Variants in SPATA17 observed in about 807,000 individuals in gnomAD.
The protein encoded by SPATA17 is spermatogenesis-associated protein 17.
In SPATA17, 53 loss-of-function variants were observed where a neutral mutation model predicts 62.2. The ratio of observed to expected loss-of-function variants is 0.85; its 90% CI spans 0.68 to 1.07. The LOEUF is 1.07. Among genes scored for constraint, SPATA17 ranks in the 50% least tolerant of loss-of-function variants. The pLI, the probability that SPATA17 is intolerant of heterozygous loss-of-function variation, is 0.00. For missense variants in SPATA17, 466 were observed against 425.5 expected (o/e 1.10, Z -0.84); for synonymous variants, 146 against 146.8 (o/e 0.99, Z 0.04).
intron 9 of SPATA17, among the ~76,000 whole-genome samples, chr1:217,834,862 G>A (rs1243647602): frequency 6.6e-6 from 1 of 152,096 alleles, no homozygotes; most frequent in African/African-American, 2.4e-5. Context: ...TTCCAGTCCT[G>A]TAAGCTCCAT....
At chr1:217,649,986 C>T (rs1029417235) in intron 2 of SPATA17, among the ~76,000 whole-genome samples, 2 of 142,516 alleles carry the variant, frequency 1.4e-5, no homozygotes, top group African/African-American at 2.7e-5. Context: ...GTTGTCCAGG[C>T]TGCAGTGCAA....
At chr1:217,654,693 T>C (rs73107336) in intron 3 of SPATA17, among the ~76,000 whole-genome samples, 1,754 of 152,018 alleles carry the variant, frequency 0.012, 23 homozygotes, top group African/African-American at 0.035. Context: ...TCTCAATATA[T>C]TGCATGCATA....
chr1:217,705,537 T>C (rs979524548), intron 5 of SPATA17, among the ~76,000 whole-genome samples: 5 of 137,458 alleles, frequency 3.6e-5, no homozygotes, highest in African/African-American at 1.3e-4. Context: ...GCCTCCCAGG[T>C]TCAAGCAATT....
chr1:217,862,431 T>C (rs971740897), intron 9 of SPATA17, among the ~76,000 whole-genome samples: 10 of 152,180 alleles, frequency 6.6e-5, no homozygotes, highest in African/African-American at 1.2e-4. Flanking sequence ...ATATTTATTA[T>C]GCAGAAAACA....
At chr1:217,724,830 T>TA (rs1380523926) in intron 5 of SPATA17, among the ~76,000 whole-genome samples, 2 of 152,108 alleles carry the variant, frequency 1.3e-5, no homozygotes, top group African/African-American at 4.8e-5. Context: ...TCTGTTTGCC[T>TA]AATTAGTTTA....
chr1:217,761,720 G>T (rs978335674), intron 6 of SPATA17, among the ~76,000 whole-genome samples: 4 of 152,030 alleles, frequency 2.6e-5, no homozygotes, highest in Admixed American at 2.0e-4. Context: ...ATTTTAGTTT[G>T]TTTTTTTCAA....
intron 5 of SPATA17, among the ~76,000 whole-genome samples, chr1:217,718,130 A>C (rs912975621): frequency 1.3e-5 from 2 of 152,230 alleles, no homozygotes; most frequent in African/African-American, 4.8e-5. Flanking sequence ...CTGACATCTA[A>C]GCATTAAAGA....
intron 5 of SPATA17, among the ~76,000 whole-genome samples, chr1:217,723,034 G>A (rs1672176698): frequency 6.6e-6 from 1 of 152,154 alleles, no homozygotes; most frequent in East Asian, 1.9e-4. Flanking sequence ...GGGAGGCCCA[G>A]AGAATCTTCC....
chr1:217,633,288 G>A lies in SPATA17; in HGVS notation c.68+1842G>A, dbSNP rs114105657. Among the ~76,000 whole-genome samples, 1,074 of 152,032 alleles carry A rather than the reference G, an allele frequency of 7.1e-3. 11 individuals carry two copies. Among genetic ancestry groups the A allele is most frequent in the African/African-American group, 0.025 (1,021 of 41,488 alleles). The stretch of plus-strand genomic sequence containing the variant: ...AAGGGAAACAACCAGTATTTTTTGA[G>A]GACTGATTATATATGAGGGATTGCA... On this transcript the variant is annotated intron_variant, in intron 1 of 10. Coordinates refer to ENST00000366933, the MANE Select transcript of SPATA17 (RefSeq NM_138796.4).
At position 217,807,256 on chromosome 1, in the gene SPATA17, GGGGA is replaced by G. The variant is rs532295755; in HGVS notation, c.1005+5421_1005+5424del. On this transcript the variant is annotated intron_variant, in intron 9 of 10. Transcript: ENST00000366933. ...AATAGATACTGGGGTCTCCAAAAGA[GGGGA>G]GGGAGGGAGGGAGGAAGTGGGGCAA... Among the ~76,000 whole-genome samples the G allele has an allele frequency of 1.3e-3, 205 of 152,028 alleles. 1 individual carries two copies. The highest frequency in any genetic ancestry group is 2.3e-3 in the Non-Finnish European group (155 of 67,960).
chr1:217,725,929 A>G (rs1350147390), intron 5 of SPATA17, among the ~76,000 whole-genome samples: 1 of 151,982 alleles, frequency 6.6e-6, no homozygotes, highest in East Asian at 1.9e-4. Context: ...CTGTATTTTT[A>G]TTTGTTAATT....
chr1:217,862,802 A>C lies in SPATA17; in HGVS notation c.1034A>C (p.Glu345Ala). ...TTCCAGACTGTATTACCATCATTTG[A>C]GCTCTTCTCAAAGTATGGAAAATTA... ...KDFQTVLPSF[E>A]LFSKYGKLYS... The change falls in exon 10 of 11, where the codon GAG (glutamate) becomes GCG (alanine). Residue 345 changes from glutamate to alanine, a missense_variant. Coordinates refer to ENST00000366933, the MANE Select transcript of SPATA17 (RefSeq NM_138796.4). 1 of 1,610,818 alleles carries C rather than the reference A, an allele frequency of 6.2e-7. No homozygotes were observed. Among genetic ancestry groups the C allele is most frequent in the Non-Finnish European group, 8.5e-7 (1 of 1,178,236 alleles).
At chr1:217,673,037 C>CTT (rs1169371752) in intron 4 of SPATA17, among the ~76,000 whole-genome samples, 1 of 152,116 alleles carries the variant, frequency 6.6e-6, no homozygotes, top group Non-Finnish European at 1.5e-5. Flanking sequence ...AAGTCCTTTA[C>CTT]TTTAACACGT....
At position 217,793,067 on chromosome 1, in the gene SPATA17, G is replaced by A. The variant is rs372084958; in HGVS notation, c.873-8651G>A. Among the ~76,000 whole-genome samples, 451 of 152,226 alleles carry A rather than the reference G, an allele frequency of 3.0e-3. 3 individuals carry two copies. The highest frequency in any genetic ancestry group is 0.017 in the Middle Eastern group (5 of 294). ...TTGAAAACACTGTTCTTCAGTTAAA[G>A]AAAGATATTGTGTATTGAGATAAAG... On this transcript the variant is annotated intron_variant, in intron 8 of 10. Transcript: ENST00000366933.
At chr1:217,771,361 T>C (rs1430691373) in intron 6 of SPATA17, among the ~76,000 whole-genome samples, 1 of 151,874 alleles carries the variant, frequency 6.6e-6, no homozygotes, top group East Asian at 1.9e-4. Flanking sequence ...AACTGAAAAA[T>C]ATACCATAGT....
intron 9 of SPATA17, among the ~76,000 whole-genome samples, chr1:217,811,353 T>C (rs1674582512): frequency 6.6e-6 from 1 of 152,136 alleles, no homozygotes; most frequent in South Asian, 2.1e-4. Flanking sequence ...TAAATCATAA[T>C]AAATCATCAG....
intron 5 of SPATA17, among the ~76,000 whole-genome samples, chr1:217,718,099 A>G (rs979595663): frequency 6.6e-6 from 1 of 152,230 alleles, no homozygotes; most frequent in African/African-American, 2.4e-5. Context: ...AGCAATTCAA[A>G]ACAACTCTCC....
At chr1:217,843,008 A>G (rs1437134966) in intron 9 of SPATA17, among the ~76,000 whole-genome samples, 2 of 151,974 alleles carry the variant, frequency 1.3e-5, no homozygotes, top group African/African-American at 4.8e-5. Context: ...ACTGAATTAT[A>G]TAACATTTGG....
At chr1:217,835,699 G>A (rs1027317323) in intron 9 of SPATA17, among the ~76,000 whole-genome samples, 4 of 152,048 alleles carry the variant, frequency 2.6e-5, no homozygotes, top group African/African-American at 9.7e-5. Flanking sequence ...GCTAATGAGA[G>A]ACTACCAGGC....
Sources: allele counts gnomAD v4.1 joint callset (sites outside exome capture counted in the v4.1 genomes callset), GRCh38; gene constraint gnomAD v4.1.1; transcripts MANE v1.5; gene names NCBI Gene and HGNC (gene_info 2026-07-23, HGNC 2026-07-21).